The following LAMA1 variants were observed in gnomAD, a reference collection of about 807,000 sequenced individuals.
The protein encoded by LAMA1 is laminin subunit alpha-1.
LAMA1 carries 219 observed loss-of-function variants against 348.7 expected under a neutral mutation model. The observed-to-expected ratio is 0.63, with a 90% confidence interval of 0.56 to 0.70. The LOEUF (loss-of-function observed/expected upper bound fraction) is 0.70. Ranked by LOEUF, LAMA1 falls within the 30% of genes least tolerant of loss-of-function variation. The probability of loss-of-function intolerance (pLI) is 0.00; values close to 1 mark genes in which losing one functional copy is unlikely to be tolerated. For missense variants in LAMA1, 3,744 were observed against 3,888.0 expected (o/e 0.96, Z 0.99); for synonymous variants, 1,487 against 1,491.0 (o/e 1.00, Z 0.06).
chr18:7,012,581 C>T (rs533067203), intron 23 of LAMA1, among the ~76,000 whole-genome samples: 98 of 150,638 alleles, frequency 6.5e-4, no homozygotes, highest in African/African-American at 2.3e-3. Context: ...TCTTGGCTCA[C>T]TGCAACCTCC....
rs751806341 is a variant in LAMA1 at position 6,948,505 on chromosome 18, G to A, written c.8608C>T (p.Gln2870Ter). ...CIGDVTVNSK[Q>*]LDKDSPVSAF... ...GACACCGGGCTGTCCTTGTCCAGCT[G>A]TTTGCTGTTAACCGTCACATCCCCA... The change falls in exon 60 of 63, where the codon CAG becomes TAG. Residue 2870 changes from glutamine to a stop codon, truncating the protein, a stop_gained. Coordinates refer to ENST00000389658, the MANE Select transcript of LAMA1 (RefSeq NM_005559.4). LOFTEE classifies it high-confidence loss of function. The A allele has an allele frequency of 2.5e-6, 4 of 1,614,064 alleles. No homozygotes were observed. The highest frequency in any genetic ancestry group is 1.1e-5 in the South Asian group (1 of 91,084).
intron 51 of LAMA1, chr18:6,964,268 A>C (rs1238322582): frequency 3.3e-6 from 1 of 299,102 alleles, no homozygotes; most frequent in African/African-American, 2.1e-5. Flanking sequence ...CTCCCAAAAG[A>C]TGTGGTAGTC....
rs978142715 is a variant in LAMA1, at chr18:6,997,608, C to A, written c.4806+134G>T. On this transcript the variant is annotated intron_variant, in intron 33 of 62. Coordinates refer to ENST00000389658, the MANE Select transcript of LAMA1 (RefSeq NM_005559.4). ...GTCACAGTCAAGGAAAGACTGGACACCTGCCCGCAGGGGCTGATGGAAGTT... is the reference window on the plus strand; with the variant it reads ...GTCACAGTCAAGGAAAGACTGGACAACTGCCCGCAGGGGCTGATGGAAGTT... The A allele has an allele frequency of 2.6e-5, 24 of 908,360 alleles. 1 individual carries two copies. Among genetic ancestry groups the A allele is most frequent in the Non-Finnish European group, 3.9e-5 (22 of 557,662 alleles). The allele number at this position is 908,360 out of a possible 1,614,324, so 56.3% of individuals were successfully genotyped here.
chr18:7,109,573 G>C (rs537592665), intron 1 of LAMA1, among the ~76,000 whole-genome samples: 30 of 152,294 alleles, frequency 2.0e-4, no homozygotes, highest in African/African-American at 7.2e-4. Context: ...TGAGTGGTCT[G>C]GTTAGGTTTT....
chr18:7,036,974 G>C (rs1427783334), intron 12 of LAMA1, among the ~76,000 whole-genome samples: 1 of 152,058 alleles, frequency 6.6e-6, no homozygotes, highest in East Asian at 1.9e-4. Context: ...GTGGGGAGGG[G>C]GGAATGGGAA....
intron 3 of LAMA1, among the ~76,000 whole-genome samples, chr18:7,061,178 T>TG (rs1362074524): frequency 1.3e-5 from 2 of 152,294 alleles, no homozygotes; most frequent in Non-Finnish European, 2.9e-5. Context: ...CAAAAAGTGT[T>TG]GAACTGCTTT....
intron 45 of LAMA1, among the ~76,000 whole-genome samples, 184 bp from the exon 46 acceptor site, chr18:6,975,220 G>C (rs1175844936): frequency 2.0e-5 from 3 of 152,170 alleles, no homozygotes; most frequent in Non-Finnish European, 4.4e-5. Flanking sequence ...GCTGGGGCAT[G>C]ACTCACAGCC....
At chr18:7,064,067 T>C (rs564913224) in intron 3 of LAMA1, among the ~76,000 whole-genome samples, 5 of 152,274 alleles carry the variant, frequency 3.3e-5, no homozygotes, top group African/African-American at 9.6e-5. Flanking sequence ...TTTTCTCTCC[T>C]GTCTTTGTAT....
chr18:7,100,058 C>CAAAAAAAAAAAA (rs3038921), intron 1 of LAMA1, among the ~76,000 whole-genome samples: 4 of 79,698 alleles, frequency 5.0e-5, no homozygotes, highest in Admixed American at 1.5e-4. Flanking sequence ...GACTTTGTCT[C>CAAAAAAAAAAAA]AAAAAAAAAA....
chr18:6,985,241 A>G lies in LAMA1; in HGVS notation c.5656T>C (p.Tyr1886His). Residue 1886 changes from tyrosine (Y) to histidine (H), a missense_variant, in exon 39 of 63, where the codon TAC (tyrosine) becomes CAC (histidine). Transcript: ENST00000389658. ...CCCACAAAGGCGTGTTCCTACCTGT[A>G]CAGAACATCTGCTAGTCTCTGGAAC... Reference protein sequence around the residue: ...AEFQRLADVLYSGLENIRNVS... With the variant: ...AEFQRLADVLHSGLENIRNVS... 6.2e-7 allele frequency: 1 copy of G among 1,614,088 alleles called. No homozygotes were observed. The highest frequency in any genetic ancestry group is 1.1e-5 in the South Asian group (1 of 91,066).
chr18:7,099,173 A>G (rs1462593922), intron 1 of LAMA1, among the ~76,000 whole-genome samples: 2 of 151,038 alleles, frequency 1.3e-5, no homozygotes, highest in Non-Finnish European at 3.0e-5. Flanking sequence ...CTTACCCCCA[A>G]CCCTGTGCTC....
chr18:7,073,872 G>A (rs2058156127), intron 3 of LAMA1, among the ~76,000 whole-genome samples: 1 of 63,948 alleles, frequency 1.6e-5, no homozygotes, highest in Non-Finnish European at 3.6e-5. Context: ...GTCTTGCTCT[G>A]TCGCCAGGCT....
At chr18:7,070,854 GT>G (rs1277041333) in intron 3 of LAMA1, among the ~76,000 whole-genome samples, 5 of 142,210 alleles carry the variant, frequency 3.5e-5, no homozygotes, top group African/African-American at 1.3e-4. Flanking sequence ...GGCTTTAAAA[GT>G]TTTTTAAGGA....
At chr18:7,032,260 T>C in intron 15 of LAMA1, 84 bp from the exon 16 acceptor site, 1 of 836,100 alleles carries the variant, frequency 1.2e-6, no homozygotes, top group Non-Finnish European at 2.0e-6. Context: ...AATGTCTTTT[T>C]TCTTAAACAT....
Position 7,012,158 on chromosome 18 carries a change from G to A in LAMA1, c.3364-20C>T. The A allele has an allele frequency of 1.2e-6, 2 of 1,613,262 alleles. No individual in the cohort carries two copies. The highest frequency in any genetic ancestry group is 2.2e-5 in the East Asian group (1 of 44,874). On this transcript the variant is annotated intron_variant, in intron 23 of 62. Transcript: ENST00000389658. ...ATTTTCCTACAGGGGAGCAAATAAAGGACTCGTTTTTGCCTAAAAAAGAGA... is the reference window on the plus strand; with the variant it reads ...ATTTTCCTACAGGGGAGCAAATAAAAGACTCGTTTTTGCCTAAAAAAGAGA...
chr18:7,049,836 G>A (rs2058055788), intron 4 of LAMA1, among the ~76,000 whole-genome samples: 1 of 152,154 alleles, frequency 6.6e-6, no homozygotes, highest in African/African-American at 2.4e-5. Flanking sequence ...TTTCCTGAAT[G>A]TAAATTATGT....
At chr18:7,100,549 C>G (rs1187028479) in intron 1 of LAMA1, among the ~76,000 whole-genome samples, 1 of 152,076 alleles carries the variant, frequency 6.6e-6, no homozygotes, top group African/African-American at 2.4e-5. Flanking sequence ...CTTGATAGCT[C>G]CAAAAACCTG....
intron 46 of LAMA1, among the ~76,000 whole-genome samples, chr18:6,974,519 C>G (rs369993527): frequency 6.9e-6 from 1 of 144,358 alleles, no homozygotes; most frequent in African/African-American, 2.6e-5. Flanking sequence ...TGCAGTGGTA[C>G]GACCTCCACT....
chr18:6,942,312 G>C (rs1295161859), intron 62 of LAMA1, 73 bp from the exon 63 acceptor site: 5 of 1,500,760 alleles, frequency 3.3e-6, no homozygotes, highest in Non-Finnish European at 4.6e-6. Flanking sequence ...AAAAGCAACA[G>C]AAATAATCTC....
Sources: gnomAD v4.1 joint callset for allele counts (sites outside exome capture counted in the v4.1 genomes callset) on GRCh38, gnomAD v4.1.1 for gene constraint, MANE v1.5 for transcripts, NCBI Gene and HGNC (gene_info 2026-07-23, HGNC 2026-07-21) for gene names.